MYO1D: variants seen among roughly 807,000 people sequenced by gnomAD.
The protein encoded by MYO1D is myosin ID.
A neutral mutation model predicts 122.0 loss-of-function variants in MYO1D; 83 were observed. The observed-to-expected ratio is 0.68, with a 90% CI of 0.57 to 0.82. MYO1D has a LOEUF of 0.82. Ranked by LOEUF, MYO1D falls within the 40% of genes least tolerant of loss-of-function variation. MYO1D has a pLI of 0.00. For synonymous variants in MYO1D, 464 were observed against 446.9 expected, an observed-to-expected ratio of 1.04 and a Z score of -0.48; for missense variants, 1,157 against 1,269.5, an observed-to-expected ratio of 0.91 and a Z score of 1.35.
At chr17:32,715,821 C>G (rs1019434473) in intron 15 of MYO1D, among the ~76,000 whole-genome samples, 2 of 152,210 alleles carry the variant, frequency 1.3e-5, no homozygotes, top group Non-Finnish European at 2.9e-5. Flanking sequence ...TCAATCTACC[C>G]AGTTACTAAA....
intron 1 of MYO1D, 76 bp downstream of exon 1, chr17:32,876,702 T>G (rs927029460): frequency 1.0e-5 from 13 of 1,264,828 alleles, no homozygotes; most frequent in Non-Finnish European, 1.4e-5. Flanking sequence ...ACACCCCGGA[T>G]CCGGCCGCGC....
chr17:32,622,304 T>G (rs2087863717), intron 20 of MYO1D, among the ~76,000 whole-genome samples: 1 of 152,090 alleles, frequency 6.6e-6, no homozygotes, highest in Non-Finnish European at 1.5e-5. Flanking sequence ...TCTTAACTGC[T>G]TTTCCTGTCA....
At chr17:32,598,757 T>G (rs909618855) in intron 21 of MYO1D, among the ~76,000 whole-genome samples, 1 of 152,222 alleles carries the variant, frequency 6.6e-6, no homozygotes, top group African/African-American at 2.4e-5. Flanking sequence ...GTCTAAATAC[T>G]GTACATATTT....
rs373905377 is a variant in MYO1D, at chr17:32,622,932, T to C, written c.2709+15790A>G. On this transcript the variant is annotated intron_variant, in intron 20 of 21. Transcript: ENST00000318217. Reference sequence around the variant, plus strand: ...GCTTCCAAATATCCTAACACTTGTGTTGCCAGACCCCACTGGGGTGTGATT... The same window carrying C: ...GCTTCCAAATATCCTAACACTTGTGCTGCCAGACCCCACTGGGGTGTGATT... Among the ~76,000 whole-genome samples the C allele has an allele frequency of 2.6e-5, 4 of 152,238 alleles. No individual in the cohort carries two copies. The South Asian group carries it at 8.3e-4, about 31-fold the overall frequency.
At chr17:32,857,049 A>C (rs2091032729) in intron 1 of MYO1D, among the ~76,000 whole-genome samples, 1 of 152,224 alleles carries the variant, frequency 6.6e-6, no homozygotes, top group African/African-American at 2.4e-5. Context: ...ACTGCTTCTT[A>C]ATCAGTTATG....
intron 14 of MYO1D, among the ~76,000 whole-genome samples, chr17:32,732,023 T>C (rs781022745): frequency 2.0e-5 from 3 of 152,236 alleles, no homozygotes; most frequent in Non-Finnish European, 4.4e-5. Flanking sequence ...TGGGCACTGT[T>C]GCAACCCAGC....
At chr17:32,777,554 G>C (rs963503221) in intron 3 of MYO1D, among the ~76,000 whole-genome samples, 1 of 152,144 alleles carries the variant, frequency 6.6e-6, no homozygotes, top group Non-Finnish European at 1.5e-5. Context: ...TGTGCCAGCT[G>C]CTCCCCTAAA....
intron 14 of MYO1D, among the ~76,000 whole-genome samples, chr17:32,730,902 G>A (rs530857136): frequency 1.6e-5 from 2 of 124,298 alleles, no homozygotes; most frequent in African/African-American, 6.4e-5. Context: ...TCTTCCACGT[G>A]TCTTTTTTTT....
At chr17:32,816,856 C>T (rs1022797064) in intron 1 of MYO1D, among the ~76,000 whole-genome samples, 5 of 151,936 alleles carry the variant, frequency 3.3e-5, no homozygotes, top group Non-Finnish European at 7.4e-5. Flanking sequence ...GTCTTTCTTC[C>T]AATATAATAC....
At chr17:32,571,941 T>C (rs73278221) in intron 21 of MYO1D, among the ~76,000 whole-genome samples, 2,998 of 152,252 alleles carry the variant, frequency 0.02, 97 homozygotes, top group African/African-American at 0.064. Flanking sequence ...AAACACTAAA[T>C]AACAGGCTGA....
Position 32,721,089 on chromosome 17 carries a change from A to T in MYO1D, c.1847T>A (p.Leu616Gln), listed in dbSNP as rs771747209. 6.2e-7 allele frequency: 1 copy of T among 1,614,132 alleles called. No individual in the cohort carries two copies. The highest frequency in any genetic ancestry group is 8.5e-7 in the Non-Finnish European group (1 of 1,180,018). The stretch of plus-strand genomic sequence containing the variant: ...TGCCCGACGCACTCTCACATTTTCC[A>T]GTAGTCCAAGATATTCTACTTGGTG... ...CRHQVEYLGL[L>Q]ENVRVRRAGF... Residue 616 changes from leucine to glutamine, a missense_variant, in exon 15 of 22, where the codon CTG (leucine) becomes CAG (glutamine). By Grantham distance (113) the Leu-to-Gln change is moderately radical. Transcript: ENST00000318217.
Position 32,635,702 on chromosome 17 carries a change from G to T in MYO1D, c.2709+3020C>A, listed in dbSNP as rs546966284. ...AGCAAGACTCCGTCTCGGGTGGCGG[G>T]GGGGTGGAAAGAAACATTACTTAAG... On this transcript the variant is annotated intron_variant, in intron 20 of 21. Transcript: ENST00000318217. 3.4e-4 allele frequency among the ~76,000 whole-genome samples: 51 copies of T among 152,172 alleles called. No individual in the cohort carries two copies. In the South Asian group the frequency reaches 9.6e-3, roughly 29 times the overall value.
chr17:32,818,104 C>T (rs1193555472), intron 1 of MYO1D, among the ~76,000 whole-genome samples: 1 of 91,934 alleles, frequency 1.1e-5, no homozygotes, highest in African/African-American at 4.1e-5. Context: ...CCAGCCTGGG[C>T]GACAGAGCGA....
chr17:32,868,917 AAGAGATCTTGGCTGGGTTCGGT>A (rs1398876049), intron 1 of MYO1D, among the ~76,000 whole-genome samples: 1 of 152,088 alleles, frequency 6.6e-6, no homozygotes, highest in African/African-American at 2.4e-5. Flanking sequence ...TGTTCTATTC[AAGAGATCTTGGCTGGGTTCGGT>A]GGCTCATGCC....
chr17:32,718,141 G>T (rs2034880693), intron 15 of MYO1D, among the ~76,000 whole-genome samples: 1 of 152,004 alleles, frequency 6.6e-6, no homozygotes, highest in African/African-American at 2.4e-5. Flanking sequence ...TTTAAAAATT[G>T]TGATCAAATT....
At chr17:32,623,457 G>C (rs546078130) in intron 20 of MYO1D, among the ~76,000 whole-genome samples, 1 of 152,082 alleles carries the variant, frequency 6.6e-6, no homozygotes, top group African/African-American at 2.4e-5. Context: ...GGGGGTCGTT[G>C]CTAAGTGAGA....
intron 20 of MYO1D, among the ~76,000 whole-genome samples, chr17:32,616,482 CTT>C (rs552603493): frequency 1.3e-4 from 17 of 135,504 alleles, no homozygotes; most frequent in Admixed American, 1.5e-4. Flanking sequence ...TAATTAAAAA[CTT>C]TTTTTTTTTT....
chr17:32,753,253 G>GC (rs371284886), intron 11 of MYO1D, among the ~76,000 whole-genome samples: 1 of 39,462 alleles, frequency 2.5e-5, no homozygotes, highest in Admixed American at 2.2e-4. Context: ...TCCAAAAGCA[G>GC]GGGGTGAGAG....
chr17:32,844,300 T>A (rs1345486463), intron 1 of MYO1D, among the ~76,000 whole-genome samples: 1 of 146,032 alleles, frequency 6.8e-6, no homozygotes, highest in Non-Finnish European at 1.5e-5. Context: ...ATGTATATAT[T>A]ATAATATGCA....
Sources: allele counts gnomAD v4.1 joint callset (sites outside exome capture counted in the v4.1 genomes callset), GRCh38; gene constraint gnomAD v4.1.1; transcripts MANE v1.5; gene names NCBI Gene and HGNC (gene_info 2026-07-23, HGNC 2026-07-21).